The following WDR36 variants were observed in gnomAD, a reference collection of about 807,000 sequenced individuals.
WDR36 encodes WD repeat-containing protein 36.
Under a neutral mutation model 112.7 loss-of-function variants are expected in WDR36, and 63 were observed. That is an observed-to-expected ratio of 0.56 (90% confidence interval 0.46 to 0.69). WDR36 has a LOEUF of 0.69. Among genes scored for constraint, WDR36 ranks in the 30% least tolerant of loss-of-function variants. WDR36 has a pLI of 0.00. For synonymous variants in WDR36, 410 were observed against 362.2 expected, an observed-to-expected ratio of 1.13 and a Z score of -1.50; for missense variants, 1,226 against 1,070.3, an observed-to-expected ratio of 1.15 and a Z score of -2.03.
At chr5:111,117,838 A>T (rs1377280641) in intron 16 of WDR36, among the ~76,000 whole-genome samples, 1 of 152,218 alleles carries the variant, frequency 6.6e-6, no homozygotes, top group African/African-American at 2.4e-5. Context: ...ATTAAAAACC[A>T]GTATACTCTG....
At chr5:111,110,707 T>C (rs1753315156) in intron 13 of WDR36, 81 bp from the exon 14 acceptor site, 2 of 1,447,274 alleles carry the variant, frequency 1.4e-6, no homozygotes, top group Non-Finnish European at 1.9e-6. Context: ...CATATTTGAA[T>C]GAAGGAATCA....
chr5:111,100,596 C>T lies in WDR36; in HGVS notation c.417C>T (p.Tyr139=). 1.3e-6 allele frequency: 2 copies of T among 1,562,936 alleles called. No homozygotes were observed. The highest frequency in any genetic ancestry group is 1.2e-5 in the South Asian group (1 of 84,534). The change falls in exon 5 of 23, where the codon TAC becomes TAT. Residue 139 remains tyrosine, a synonymous_variant. Transcript: ENST00000513710. ...IIWHIYSEEE[Y]LQLTFDKSVF... ...TAACTTTCACTTTTGTAGAAGAATACCTGCAGTTGACTTTTGATAAATCAG... is the reference window on the plus strand; with the variant it reads ...TAACTTTCACTTTTGTAGAAGAATATCTGCAGTTGACTTTTGATAAATCAG...
intron 2 of WDR36, among the ~76,000 whole-genome samples, chr5:111,095,737 A>G (rs1007710915): frequency 2.6e-5 from 4 of 152,202 alleles, no homozygotes; most frequent in Non-Finnish European, 5.9e-5. Flanking sequence ...CTGGTCTCAA[A>G]CATTTCAGAT....
rs1561698990 is a variant in WDR36 at position 111,092,487 on chromosome 5, A to C, written c.31A>C (p.Ser11Arg). 6.2e-7 allele frequency: 1 copy of C among 1,614,224 alleles called. No individual in the cohort carries two copies. The highest frequency in any genetic ancestry group is 2.2e-5 in the East Asian group (1 of 44,886). The change falls in exon 1 of 23, where the codon AGC becomes CGC. Residue 11 changes from serine (S) to arginine (R), a missense_variant. Transcript: ENST00000513710. ...ACGGGCCTCAGAAAGGCGCACGGCC[A>C]GCGCGCTTTTTGCGGGGTTCCGGGC... MERASERRTASALFAGFRALG... is the reference protein window; with the variant it reads MERASERRTARALFAGFRALG...
chr5:111,113,113 A>T lies in WDR36; in HGVS notation c.1756A>T (p.Met586Leu). ...TGGTCGTTGGTTAATAAGTGCTGCG[A>T]TGGATTGCTCTATTAGGACTTGGGA... ...PDGRWLISAA[M>L]DCSIRTWDLP... The change falls in exon 16 of 23, where the codon ATG (methionine) becomes TTG (leucine). Residue 586 changes from methionine to leucine, a missense_variant. Coordinates refer to ENST00000513710, the MANE Select transcript of WDR36 (RefSeq NM_139281.3). The T allele has an allele frequency of 1.3e-6, 2 of 1,581,190 alleles. No homozygotes were observed. Among genetic ancestry groups the T allele is most frequent in the Non-Finnish European group, 1.7e-6 (2 of 1,161,666 alleles).
chr5:111,110,923 C>T lies in WDR36; in HGVS notation c.1577C>T (p.Ser526Phe), dbSNP rs1473257920. The stretch of plus-strand genomic sequence containing the variant: ...ATCCATTCTGTGAGCCTCAGTTCAT[C>T]TCCAAATATCATGTTGCTACATAGG... The part of the protein sequence containing the change: ...ILIHSVSLSS[S>F]PNIMLLHRDS... Residue 526 changes from serine (S) to phenylalanine (F), a missense_variant, in exon 14 of 23, where the codon TCT becomes TTT. Coordinates refer to ENST00000513710, the MANE Select transcript of WDR36 (RefSeq NM_139281.3). The T allele has an allele frequency of 6.2e-7, 1 of 1,611,282 alleles. No individual in the cohort carries two copies.
intron 16 of WDR36, 139 bp downstream of exon 16, chr5:111,113,292 T>C (rs1580399728): frequency 2.3e-6 from 1 of 430,468 alleles, no homozygotes; most frequent in Non-Finnish European, 4.4e-6. Flanking sequence ...CATGACTATA[T>C]TGTATCCTTG....
chr5:111,113,054 T>TATATATATA lies in WDR36; in HGVS notation c.1717-20_1717-19insATATATATA, dbSNP rs33919278. ...ATAAATAATATATATATATATATATTTTTTTTTTTTAATTTAAAGGCTTTT... is the reference window on the plus strand; with the variant it reads ...ATAAATAATATATATATATATATATTATATATATATTTTTTTTTTAATTTAAAGGCTTTT... On this transcript the variant is annotated intron_variant, in intron 15 of 22. Transcript: ENST00000513710. 3.3e-4 allele frequency: 91 copies of TATATATATA among 277,964 alleles called. No individual in the cohort carries two copies. Among genetic ancestry groups the TATATATATA allele is most frequent in the Admixed American group, 2.7e-3 (37 of 13,850 alleles). The allele number at this position is 277,964 out of a possible 1,614,324, so 17.2% of individuals were successfully genotyped here. A position where few individuals can be genotyped will look rare whatever the true frequency, so the allele number is the denominator to read the frequency against.
chr5:111,107,850 G>C (rs923974339), intron 12 of WDR36, among the ~76,000 whole-genome samples: 2 of 151,342 alleles, frequency 1.3e-5, no homozygotes, highest in Non-Finnish European at 3.0e-5. Flanking sequence ...CTGTATGTCT[G>C]TTCTTATACC....
chr5:111,105,508 G>A, intron 10 of WDR36, 148 bp downstream of exon 10: 1 of 772,972 alleles, frequency 1.3e-6, no homozygotes, highest in Non-Finnish European at 2.2e-6. Context: ...AAGATTCCTA[G>A]CATCAAAGTT....
chr5:111,105,068 T>G (rs1035617924), intron 9 of WDR36, among the ~76,000 whole-genome samples: 1 of 151,662 alleles, frequency 6.6e-6, no homozygotes, highest in Non-Finnish European at 1.5e-5. Context: ...TCTGTTAGTC[T>G]GCTGAAAATT....
chr5:111,098,939 A>G, intron 4 of WDR36, 100 bp downstream of exon 4: 1 of 845,134 alleles, frequency 1.2e-6, no homozygotes. Context: ...TTTGCCTGTA[A>G]ATAGTAAGAA....
chr5:111,107,576 C>T, intron 12 of WDR36, 137 bp downstream of exon 12: 1 of 1,168,184 alleles, frequency 8.6e-7, no homozygotes, highest in Non-Finnish European at 1.2e-6. Context: ...AACCCAAAGC[C>T]ACAAAAATTT....
At chr5:111,100,449 T>C (rs914094851) in intron 4 of WDR36, 140 bp from the exon 5 acceptor site, 2 of 511,466 alleles carry the variant, frequency 3.9e-6, no homozygotes, top group Non-Finnish European at 6.7e-6. Flanking sequence ...GGAATGTTTA[T>C]AGATTAGTAT....
chr5:111,106,021 C>A, intron 10 of WDR36, 36 bp from the exon 11 acceptor site: 1 of 1,477,380 alleles, frequency 6.8e-7, no homozygotes, highest in Non-Finnish European at 9.5e-7. Flanking sequence ...AAGAAGGATT[C>A]ATAGCTATGT....
Position 111,103,792 on chromosome 5 carries a change from G to T in WDR36, c.604G>T (p.Ala202Ser). Reference sequence around the variant, plus strand: ...TGAATAATTTAATTTTTAGGCACCAGCCGTGGATGTTGTTGCTATTGGTCT... The same window carrying T: ...TGAATAATTTAATTTTTAGGCACCATCCGTGGATGTTGTTGCTATTGGTCT... ...VGVTALQQAP[A>S]VDVVAIGLMS... The change falls in exon 7 of 23, where the codon GCC becomes TCC. Residue 202 changes from alanine (A) to serine (S), a missense_variant. Coordinates refer to ENST00000513710, the MANE Select transcript of WDR36 (RefSeq NM_139281.3). The T allele has an allele frequency of 1.2e-6, 2 of 1,610,814 alleles. No homozygotes were observed. Among genetic ancestry groups the T allele is most frequent in the East Asian group, 4.5e-5 (2 of 44,756 alleles).
Position 111,123,794 on chromosome 5 carries a change from C to A in WDR36, c.2149-11C>A. 1 of 1,613,014 alleles carries A rather than the reference C, an allele frequency of 6.2e-7. No individual in the cohort carries two copies. Among genetic ancestry groups the A allele is most frequent in the Non-Finnish European group, 8.5e-7 (1 of 1,179,666 alleles). On this transcript the variant is annotated splice_polypyrimidine_tract_variant and intron_variant, in intron 19 of 22. Transcript: ENST00000513710. ...AATTCCTATTTTTCTTTCTCATTTT[C>A]TCTTAATCAGAAAAAGAATAAACCA...
At chr5:111,106,686 T>G (rs1386372095) in intron 11 of WDR36, among the ~76,000 whole-genome samples, 1 of 151,474 alleles carries the variant, frequency 6.6e-6, no homozygotes, top group Non-Finnish European at 1.5e-5. Flanking sequence ...GTCATGTTTC[T>G]AAAAACATTT....
At chr5:111,096,578 C>A (rs149205188) in intron 2 of WDR36, among the ~76,000 whole-genome samples, 4,532 of 152,126 alleles carry the variant, frequency 0.03, 96 homozygotes, top group Middle Eastern at 0.071. Context: ...GTGGTGCACT[C>A]CTATAATCCC....
Sources: gnomAD v4.1 joint callset for allele counts (sites outside exome capture counted in the v4.1 genomes callset) on GRCh38, gnomAD v4.1.1 for gene constraint, MANE v1.5 for transcripts, NCBI Gene and HGNC (gene_info 2026-07-23, HGNC 2026-07-21) for gene names.